LRRC36: variants seen among roughly 807,000 people sequenced by gnomAD.
LRRC36 encodes leucine rich repeat containing 36.
In LRRC36, 62 loss-of-function variants were observed where a neutral mutation model predicts 81.1. The observed-to-expected ratio is 0.76, with a 90% CI of 0.62 to 0.94. LRRC36 has a LOEUF of 0.94. Among genes scored for constraint, LRRC36 ranks in the 40% least tolerant of loss-of-function variants. The pLI, the probability that LRRC36 is intolerant of heterozygous loss-of-function variation, is 0.00. For missense variants in LRRC36, 761 were observed against 881.7 expected, an observed-to-expected ratio of 0.86 and a Z score of 1.73; for synonymous variants, 334 against 348.6, an observed-to-expected ratio of 0.96 and a Z score of 0.47.
At chr16:67,343,707 T>G (rs1296782865) in intron 2 of LRRC36, among the ~76,000 whole-genome samples, 3 of 148,704 alleles carry the variant, frequency 2.0e-5, no homozygotes, top group Non-Finnish European at 4.5e-5. Context: ...AAAAAAAAAA[T>G]CAAGTTAACA....
intron 6 of LRRC36, 42 bp from the exon 7 acceptor site, chr16:67,365,262 C>A: frequency 2.9e-6 from 4 of 1,368,906 alleles, no homozygotes; most frequent in Non-Finnish European, 4.2e-6. Flanking sequence ...CATTTGAACG[C>A]GCATGGACTT....
At position 67,367,383 on chromosome 16, in the gene LRRC36, A is replaced by AT. The variant is rs753121133; in HGVS notation, c.1123dup (p.Ser375PhefsTer13). ...AATGACATAAAGACCACCGCTTCAC[A>AT]TTCCTGTGGAGACTTATTAACTTCT... On this transcript the variant is annotated frameshift_variant, in exon 8 of 14. Coordinates refer to ENST00000329956, the MANE Select transcript of LRRC36 (RefSeq NM_018296.6). LOFTEE classifies it high-confidence loss of function. 6.2e-7 allele frequency: 1 copy of AT among 1,614,210 alleles called. No individual in the cohort carries two copies. The highest frequency in any genetic ancestry group is 2.2e-5 in the East Asian group (1 of 44,880).
chr16:67,338,446 A>G (rs1391022100), intron 1 of LRRC36, among the ~76,000 whole-genome samples: 1 of 152,180 alleles, frequency 6.6e-6, no homozygotes, highest in Non-Finnish European at 1.5e-5. Context: ...ATGTAATTGG[A>G]AAAGGAAGGA....
At chr16:67,376,356 C>T (rs554039249) in intron 10 of LRRC36, among the ~76,000 whole-genome samples, 7 of 151,994 alleles carry the variant, frequency 4.6e-5, no homozygotes, top group African/African-American at 7.2e-5. Flanking sequence ...GAAACTTAAA[C>T]GTTGTTTGGG....
Position 67,333,665 on chromosome 16 carries a change from C to G in LRRC36, c.70+6733C>G, listed in dbSNP as rs558838171. ...TCATATAATATGTAGCCTTTTCTGT[C>G]TGGCTTCTTTGACTTAGCATAGTAT... is the stretch of plus-strand genomic sequence containing the variant. On this transcript the variant is annotated intron_variant, in intron 1 of 13. Coordinates refer to ENST00000329956, the MANE Select transcript of LRRC36 (RefSeq NM_018296.6). 6.6e-5 allele frequency among the ~76,000 whole-genome samples: 10 copies of G among 152,178 alleles called. No individual in the cohort carries two copies. The East Asian group carries it at 1.9e-3, about 29-fold the overall frequency.
chr16:67,382,944 G>A lies in LRRC36; in HGVS notation c.2045+697G>A, dbSNP rs118100300. On this transcript the variant is annotated intron_variant, in intron 13 of 13. Transcript: ENST00000329956. ...GTAAGCATATTAAAGTTTAAGGCGC[G>A]TGCCTGTAGTCCCAGTTACTGGGGA... 3.0e-3 allele frequency among the ~76,000 whole-genome samples: 452 copies of A among 152,172 alleles called. 2 individuals carry two copies. Among genetic ancestry groups the A allele is most frequent in the East Asian group, 0.014 (73 of 5,192 alleles).
chr16:67,336,294 G>A (rs1168210737), intron 1 of LRRC36, among the ~76,000 whole-genome samples: 1 of 152,196 alleles, frequency 6.6e-6, no homozygotes, highest in Non-Finnish European at 1.5e-5. Context: ...GAAAGCTGCT[G>A]TAAACATTCA....
chr16:67,382,180 C>T lies in LRRC36; in HGVS notation c.1978C>T (p.Leu660=), dbSNP rs759865009. 1.9e-6 allele frequency: 3 copies of T among 1,614,206 alleles called. No homozygotes were observed. In the South Asian group the frequency reaches 3.3e-5, roughly 18 times the overall value. Residue 660 remains leucine (L), a synonymous_variant, in exon 13 of 14, where the codon CTG becomes TTG. Transcript: ENST00000329956. ...NQQLTMQVAC[L]NQELAQLKKL... ...ACAGCTGACCATGCAGGTGGCTTGC[C>T]TGAACCAGGAGCTTGCCCAGCTGAA... is the stretch of plus-strand genomic sequence containing the variant.
chr16:67,362,152 C>T lies in LRRC36; in HGVS notation c.578-1438C>T, dbSNP rs542896974. The T allele has an allele frequency of 7.3e-5, 33 of 451,576 alleles. 1 individual carries two copies. The highest frequency in any genetic ancestry group is 2.2e-4 in the South Asian group (14 of 64,148). 28.0% of individuals were successfully genotyped at this position (451,576 alleles called of 1,614,324 possible). A position where few individuals can be genotyped will look rare whatever the true frequency, so the allele number is the denominator to read the frequency against. On this transcript the variant is annotated intron_variant, in intron 5 of 13. Coordinates refer to ENST00000329956, the MANE Select transcript of LRRC36 (RefSeq NM_018296.6). ...AAATAACATACAGAGTGTTCTAATA[C>T]GTTTTGTTTTGTTTTGTTTTTTCTT...
Position 67,385,127 on chromosome 16 carries a change from A to G in LRRC36, c.*38A>G. The G allele has an allele frequency of 3.9e-6, 6 of 1,531,122 alleles. No homozygotes were observed. Among genetic ancestry groups the G allele is most frequent in the Non-Finnish European group, 5.4e-6 (6 of 1,108,636 alleles). The allele number at this position is 1,531,122 out of a possible 1,614,324, so 94.8% of individuals were successfully genotyped here. On this transcript the variant is annotated 3_prime_UTR_variant, in exon 14 of 14. Coordinates refer to ENST00000329956, the MANE Select transcript of LRRC36 (RefSeq NM_018296.6). ...ACTCACACCACAGCTTCCCTGGTCCACAGAGGCTCTCACCGCCATTGCCAC... is the reference window on the plus strand; with the variant it reads ...ACTCACACCACAGCTTCCCTGGTCCGCAGAGGCTCTCACCGCCATTGCCAC...
intron 5 of LRRC36, among the ~76,000 whole-genome samples, chr16:67,352,845 G>T (rs1490294228): frequency 1.3e-5 from 2 of 151,622 alleles, no homozygotes; most frequent in Middle Eastern, 6.8e-3. Context: ...GCACAGCTAA[G>T]TTTTGTATTT....
chr16:67,381,950 A>T (rs897892956), intron 12 of LRRC36, among the ~76,000 whole-genome samples, 183 bp from the exon 13 acceptor site: 1 of 152,158 alleles, frequency 6.6e-6, no homozygotes, highest in African/African-American at 2.4e-5. Flanking sequence ...ATTTTAACTC[A>T]TATCTGTTGC....
At chr16:67,333,786 CA>C (rs1384111453) in intron 1 of LRRC36, among the ~76,000 whole-genome samples, 29 of 152,062 alleles carry the variant, frequency 1.9e-4, no homozygotes, top group Admixed American at 1.8e-3. Flanking sequence ...TTTAGGTTTA[CA>C]GAGAAATTGG....
At chr16:67,332,388 C>T (rs1461306905) in intron 1 of LRRC36, among the ~76,000 whole-genome samples, 1 of 151,974 alleles carries the variant, frequency 6.6e-6, no homozygotes, top group Admixed American at 6.6e-5. Context: ...CCTGTCTCTA[C>T]TAAAAATACA....
intron 2 of LRRC36, among the ~76,000 whole-genome samples, chr16:67,342,348 G>T (rs111467689): frequency 1.9e-3 from 295 of 152,254 alleles, no homozygotes; most frequent in Admixed American, 3.1e-3. Context: ...ATAAATTTTA[G>T]TGTGTATAAA....
At chr16:67,383,067 G>A (rs774824689) in intron 13 of LRRC36, among the ~76,000 whole-genome samples, 40 of 96,460 alleles carry the variant, frequency 4.1e-4, no homozygotes, top group East Asian at 3.1e-4. Context: ...GCGAGGCTCC[G>A]TCTCAAAAAA....
At chr16:67,359,866 T>C (rs1016821315) in intron 5 of LRRC36, among the ~76,000 whole-genome samples, 6 of 152,200 alleles carry the variant, frequency 3.9e-5, no homozygotes, top group Non-Finnish European at 8.8e-5. Context: ...CTCACTACTG[T>C]AATCCCAACA....
At chr16:67,333,031 A>G (rs1051707521) in intron 1 of LRRC36, among the ~76,000 whole-genome samples, 2 of 152,066 alleles carry the variant, frequency 1.3e-5, no homozygotes, top group South Asian at 4.1e-4. Flanking sequence ...AGCTGGGACT[A>G]CAGGTGTGCA....
chr16:67,370,873 A>C lies in LRRC36; in HGVS notation c.1196-71A>C. ...TTATTATGACCCTTGGACTACAGGC[A>C]AGGTATGGATAGAAGTGAGACATGA... On this transcript the variant is annotated intron_variant, in intron 8 of 13. Coordinates refer to ENST00000329956, the MANE Select transcript of LRRC36 (RefSeq NM_018296.6). The C allele has an allele frequency of 2.3e-6, 3 of 1,307,328 alleles. No individual in the cohort carries two copies. In the East Asian group the frequency reaches 7.0e-5, roughly 30 times the overall value. The allele number at this position is 1,307,328 out of a possible 1,614,324, so 81.0% of individuals were successfully genotyped here.
Sources: allele counts gnomAD v4.1 joint callset (sites outside exome capture counted in the v4.1 genomes callset), GRCh38; gene constraint gnomAD v4.1.1; transcripts MANE v1.5; gene names NCBI Gene and HGNC (gene_info 2026-07-23, HGNC 2026-07-21).